GRIK1: variants seen among roughly 807,000 people sequenced by gnomAD.
The protein encoded by GRIK1 is glutamate receptor ionotropic, kainate 1.
A neutral mutation model predicts 105.7 loss-of-function variants in GRIK1; 69 were observed. The observed-to-expected ratio is 0.65, with a 90% CI of 0.54 to 0.80. GRIK1 has a LOEUF of 0.80. Ranked by LOEUF, GRIK1 falls within the 30% of genes least tolerant of loss-of-function variation. The probability of loss-of-function intolerance (pLI) is 0.00; values close to 1 mark genes in which losing one functional copy is unlikely to be tolerated. For synonymous variants in GRIK1, 438 were observed against 431.3 expected, an observed-to-expected ratio of 1.02 and a Z score of -0.19; for missense variants, 1,109 against 1,167.3, an observed-to-expected ratio of 0.95 and a Z score of 0.73.
intron 1 of GRIK1, among the ~76,000 whole-genome samples, chr21:29,830,682 G>A (rs2067607350): frequency 6.6e-6 from 1 of 152,126 alleles, no homozygotes. Flanking sequence ...CACATAATAA[G>A]TGCAAGGTAA....
intron 3 of GRIK1, among the ~76,000 whole-genome samples, chr21:29,684,785 T>C (rs1601447028): frequency 6.6e-6 from 1 of 152,134 alleles, no homozygotes. Context: ...GCTGGGATTA[T>C]AGGCGTGAGC....
chr21:29,568,508 A>G (rs2090663496), intron 14 of GRIK1, among the ~76,000 whole-genome samples: 1 of 152,202 alleles, frequency 6.6e-6, no homozygotes, highest in African/African-American at 2.4e-5. Flanking sequence ...CAAAGTCCCT[A>G]GACCATGAAA....
At chr21:29,836,584 T>C (rs2067812272) in intron 1 of GRIK1, among the ~76,000 whole-genome samples, 1 of 152,174 alleles carries the variant, frequency 6.6e-6, no homozygotes, top group Non-Finnish European at 1.5e-5. Context: ...TGCCTGTGAA[T>C]TATAAGTTTA....
At chr21:29,860,764 A>C (rs564834956) in intron 1 of GRIK1, among the ~76,000 whole-genome samples, 1 of 152,306 alleles carries the variant, frequency 6.6e-6, no homozygotes, top group African/African-American at 2.4e-5. Flanking sequence ...AAGCAGTGCA[A>C]AAGAACATCT....
chr21:29,812,716 A>T (rs541070643), intron 1 of GRIK1, among the ~76,000 whole-genome samples: 1 of 152,176 alleles, frequency 6.6e-6, no homozygotes, highest in Admixed American at 6.5e-5. Flanking sequence ...ATGAGTGAAT[A>T]TGCTACTCTG....
intron 1 of GRIK1, among the ~76,000 whole-genome samples, chr21:29,838,743 T>C (rs1357645993): frequency 6.6e-6 from 1 of 152,224 alleles, no homozygotes; most frequent in Admixed American, 6.5e-5. Context: ...TCTAAAATTA[T>C]TAAAGAATGT....
rs2063620499 is a variant in GRIK1 at position 29,693,252 on chromosome 21, A to T, written c.286+644T>A. On this transcript the variant is annotated intron_variant, in intron 2 of 17. Transcript: ENST00000327783. Reference sequence around the variant, plus strand: ...GACTTGTCCTAATATTGTCTAGAAGATGTCTAAGCAAGCCCCACAATTCCG... The same window carrying T: ...GACTTGTCCTAATATTGTCTAGAAGTTGTCTAAGCAAGCCCCACAATTCCG... Among the ~76,000 whole-genome samples the T allele has an allele frequency of 2.6e-5, 4 of 152,308 alleles. No homozygotes were observed. In the East Asian group the frequency reaches 7.7e-4, roughly 29 times the overall value.
chr21:29,575,207 A>G (rs2090861021), intron 14 of GRIK1, among the ~76,000 whole-genome samples: 2 of 152,196 alleles, frequency 1.3e-5, no homozygotes, highest in South Asian at 4.1e-4. Context: ...ATAGTGTTAT[A>G]CAAAGAAATG....
At chr21:29,611,446 G>T (rs191833395) in intron 7 of GRIK1, among the ~76,000 whole-genome samples, 2 of 152,198 alleles carry the variant, frequency 1.3e-5, no homozygotes, top group South Asian at 2.1e-4. Flanking sequence ...CATCCAGATG[G>T]TTCCTTCATT....
intron 1 of GRIK1, among the ~76,000 whole-genome samples, chr21:29,706,942 G>T (rs1225058440): frequency 6.6e-6 from 1 of 152,084 alleles, no homozygotes; most frequent in Non-Finnish European, 1.5e-5. Flanking sequence ...TCAGCTCACT[G>T]CAAGCTCCGC....
At chr21:29,899,511 T>C (rs2070312386) in intron 1 of GRIK1, among the ~76,000 whole-genome samples, 1 of 151,854 alleles carries the variant, frequency 6.6e-6, no homozygotes, top group Non-Finnish European at 1.5e-5. Flanking sequence ...AAGTATAGTA[T>C]CTATAGAGTG....
intron 1 of GRIK1, among the ~76,000 whole-genome samples, chr21:29,885,071 A>T (rs2069561550): frequency 6.6e-6 from 1 of 152,086 alleles, no homozygotes; most frequent in African/African-American, 2.4e-5. Context: ...TTTAAAAACT[A>T]CTTTTTAATG....
chr21:29,578,921 G>T (rs776678037), intron 13 of GRIK1, among the ~76,000 whole-genome samples: 1 of 152,062 alleles, frequency 6.6e-6, no homozygotes, highest in Admixed American at 6.6e-5. Context: ...ACAATTAATA[G>T]ATATATTTTT....
At chr21:29,655,921 G>A (rs1220182169) in intron 4 of GRIK1, among the ~76,000 whole-genome samples, 2 of 152,142 alleles carry the variant, frequency 1.3e-5, no homozygotes, top group Non-Finnish European at 2.9e-5. Context: ...TGGAGTCCCG[G>A]AAATGGTGTC....
chr21:29,696,993 G>T (rs772094711), intron 1 of GRIK1, among the ~76,000 whole-genome samples: 2 of 152,058 alleles, frequency 1.3e-5, no homozygotes, highest in African/African-American at 4.8e-5. Flanking sequence ...AGGCAGGAGG[G>T]TTTTTTTCCA....
At chr21:29,776,817 CA>C (rs2145759068) in intron 1 of GRIK1, among the ~76,000 whole-genome samples, 1 of 152,232 alleles carries the variant, frequency 6.6e-6, no homozygotes, top group East Asian at 1.9e-4. Context: ...GGTAGATATC[CA>C]TTCAACATGT....
intron 1 of GRIK1, among the ~76,000 whole-genome samples, chr21:29,723,079 G>A (rs577412779): frequency 6.6e-5 from 10 of 152,150 alleles, no homozygotes; most frequent in Non-Finnish European, 1.3e-4. Flanking sequence ...AGCACTTTGG[G>A]AGGCCAAGAG....
Position 29,537,148 on chromosome 21 carries a change from A to G in GRIK1, c.*82T>C. 1.1e-6 allele frequency: 1 copy of G among 900,398 alleles called. No homozygotes were observed. The highest frequency in any genetic ancestry group is 2.0e-5 in the South Asian group (1 of 49,080). 55.8% of individuals were successfully genotyped at this position (900,398 alleles called of 1,614,324 possible). ...GTTATGGATATAGATATATGGAAAC[A>G]CATCACACACTCCTCAGAAATCCTT... On this transcript the variant is annotated 3_prime_UTR_variant, in exon 18 of 18. Transcript: ENST00000327783.
In GRIK1 at chr21:29,588,863, C is replaced by T; in HGVS notation, c.1545G>A (p.Gly515=). The T allele has an allele frequency of 1.9e-6, 3 of 1,599,118 alleles. No individual in the cohort carries two copies. The highest frequency in any genetic ancestry group is 1.7e-6 in the Non-Finnish European group (2 of 1,166,308). The change falls in exon 11 of 18, where the codon GGG becomes GGA. Residue 515 remains glycine, a synonymous_variant. Transcript: ENST00000327783. ...CGTGATCTATGAGTTCTTTAACCAT[C>T]CCGTTCCACTCCCCTTTGTCATTCT... ...GAQNDKGEWN[G]MVKELIDHRA...
Sources: gnomAD v4.1 joint callset for allele counts (sites outside exome capture counted in the v4.1 genomes callset) on GRCh38, gnomAD v4.1.1 for gene constraint, MANE v1.5 for transcripts, NCBI Gene and HGNC (gene_info 2026-07-23, HGNC 2026-07-21) for gene names.